FLT4: variants seen among roughly 807,000 people sequenced by gnomAD.
FLT4 encodes the protein vascular endothelial growth factor receptor 3.
Under a neutral mutation model 163.2 loss-of-function variants are expected in FLT4, and 30 were observed. The observed-to-expected ratio is 0.18, with a 90% CI of 0.14 to 0.25. FLT4 has a LOEUF of 0.25. Among genes scored for constraint, FLT4 ranks in the 10% least tolerant of loss-of-function variants. The probability of loss-of-function intolerance (pLI) is 1.00; values close to 1 mark genes in which losing one functional copy is unlikely to be tolerated. For missense variants in FLT4, 1,510 were observed against 1,863.8 expected (o/e 0.81, Z 3.50); for synonymous variants, 884 against 789.5 (o/e 1.12, Z -2.01).
chr5:180,607,955 G>A (rs1010918276), intron 29 of FLT4: 7 of 613,710 alleles, frequency 1.1e-5, no homozygotes, highest in Non-Finnish European at 2.0e-5. Context: ...TGTCTGGGAA[G>A]GCACCTGTTA....
Position 180,612,490 on chromosome 5 carries a change from T to G in FLT4, c.3537+16A>C. 6.3e-7 allele frequency: 1 copy of G among 1,587,868 alleles called. No homozygotes were observed. Among genetic ancestry groups the G allele is most frequent in the Non-Finnish European group, 8.6e-7 (1 of 1,156,352 alleles). On this transcript the variant is annotated intron_variant, in intron 26 of 29. Coordinates refer to ENST00000261937, the MANE Select transcript of FLT4 (RefSeq NM_182925.5). The stretch of plus-strand genomic sequence containing the variant: ...GGCCAAAGGCCATAGTAGAACAGGG[T>G]GGGGAAGGGGCTCACTTGCAGGCCC...
chr5:180,624,119 T>G, intron 10 of FLT4, 58 bp from the exon 11 acceptor site: 1 of 1,596,942 alleles, frequency 6.3e-7, no homozygotes, highest in Non-Finnish European at 8.5e-7. Context: ...AGGGCCCACA[T>G]GGGGGGCGGG....
chr5:180,618,536 C>G (rs1762852526), intron 21 of FLT4, among the ~76,000 whole-genome samples: 1 of 152,224 alleles, frequency 6.6e-6, no homozygotes, highest in Admixed American at 6.5e-5. Flanking sequence ...CTGCTTGGCC[C>G]TCCACTGCCT....
At chr5:180,635,844 C>T (rs866779097) in intron 1 of FLT4, among the ~76,000 whole-genome samples, 1 of 12,980 alleles carries the variant, frequency 7.7e-5, no homozygotes, top group Non-Finnish European at 1.6e-4. Context: ...TGGATGGATG[C>T]ATGGATGGAA....
intron 1 of FLT4, among the ~76,000 whole-genome samples, chr5:180,646,761 G>A (rs950741787): frequency 2.6e-5 from 4 of 152,162 alleles, no homozygotes; most frequent in African/African-American, 9.7e-5. Flanking sequence ...GCATAGAACT[G>A]CAGGCTCCTT....
chr5:180,645,913 A>AC (rs746808656), intron 1 of FLT4, among the ~76,000 whole-genome samples: 1 of 151,860 alleles, frequency 6.6e-6, no homozygotes, highest in Non-Finnish European at 1.5e-5. Context: ...CTCCCTGCCC[A>AC]CCCCCAACTC....
chr5:180,626,030 C>A lies in FLT4; in HGVS notation c.1260G>T (p.Val420=), dbSNP rs761645896. The change falls in exon 10 of 30, where the codon GTG becomes GTT. Residue 420 remains valine, a splice_region_variant and synonymous_variant. Transcript: ENST00000261937. The part of the protein sequence containing the change: ...RNISLELVVN[V]PPQIHEKEAS... ...CCTCCTTCTCATGTATCTGGGGGGG[C>A]ACTGTGGGCACACAGATGGCCGGTC... 33 of 1,612,562 alleles carry A rather than the reference C, an allele frequency of 2.0e-5. No individual in the cohort carries two copies. The highest frequency in any genetic ancestry group is 2.5e-5 in the Non-Finnish European group (30 of 1,179,988).
Position 180,613,115 on chromosome 5 carries a change from C to A in FLT4, c.3332-5G>T. ...CCCCAGGGTACGGGGAGGCCCCTGA[C>A]AACAGGAAGGGGAGGTGGGTGGGGA... On this transcript the variant is annotated splice_polypyrimidine_tract_variant and splice_region_variant and intron_variant, in intron 24 of 29. Coordinates refer to ENST00000261937, the MANE Select transcript of FLT4 (RefSeq NM_182925.5). The A allele has an allele frequency of 1.2e-6, 2 of 1,609,720 alleles. No individual in the cohort carries two copies. The highest frequency in any genetic ancestry group is 8.5e-7 in the Non-Finnish European group (1 of 1,176,854).
chr5:180,609,707 G>T lies in FLT4; in HGVS notation c.3807+198C>A, dbSNP rs562590070. On this transcript the variant is annotated intron_variant, in intron 28 of 29. Coordinates refer to ENST00000261937, the MANE Select transcript of FLT4 (RefSeq NM_182925.5). ...GGGAGGCCTCGTGTGGGGGTGACGA[G>T]GGCATAGGACAGAAAGCAGCTGTGA... 26 of 635,824 alleles carry T rather than the reference G, an allele frequency of 4.1e-5. 1 individual carries two copies. The South Asian group carries it at 4.2e-4, about 10-fold the overall frequency. 39.4% of individuals were successfully genotyped at this position (635,824 alleles called of 1,614,324 possible).
Position 180,612,735 on chromosome 5 carries a change from G to T in FLT4, c.3432-124C>A, listed in dbSNP as rs566581905. 4.0e-6 allele frequency: 3 copies of T among 747,846 alleles called. No homozygotes were observed. In the Admixed American group the frequency reaches 6.0e-5, roughly 15 times the overall value. The allele number at this position is 747,846 out of a possible 1,614,324, so 46.3% of individuals were successfully genotyped here. A position where few individuals can be genotyped will look rare whatever the true frequency, so the allele number is the denominator to read the frequency against. ...TCCTCCTGACACGTCTCCCACTCTT[G>T]TCCAGCTACCCTCGTTCCTCCTTCA... On this transcript the variant is annotated intron_variant, in intron 25 of 29. Transcript: ENST00000261937.
At chr5:180,606,801 G>T (rs1357029406) in intron 29 of FLT4, among the ~76,000 whole-genome samples, 1 of 150,976 alleles carries the variant, frequency 6.6e-6, no homozygotes, top group Admixed American at 6.6e-5. Flanking sequence ...GCTCATACCT[G>T]TAATCCCAGC....
intron 28 of FLT4, chr5:180,609,307 G>A (rs1561691704): frequency 1.1e-5 from 6 of 569,234 alleles, no homozygotes; most frequent in South Asian, 2.0e-5. Context: ...GGACCTCCAC[G>A]GTGGCCAAGC....
chr5:180,606,511 C>T (rs1366887116), intron 29 of FLT4, among the ~76,000 whole-genome samples: 3 of 152,208 alleles, frequency 2.0e-5, no homozygotes, highest in African/African-American at 7.2e-5. Flanking sequence ...CCCCAACTCA[C>T]GTTTCCACGG....
chr5:180,631,561 C>T (rs1030719491), intron 2 of FLT4, 121 bp downstream of exon 2: 71 of 801,762 alleles, frequency 8.9e-5, no homozygotes, highest in African/African-American at 4.5e-4. Flanking sequence ...CACACGGCCC[C>T]GAGGCCACTC....
Position 180,613,055 on chromosome 5 carries a change from T to C in FLT4, c.3387A>G (p.Arg1129=), listed in dbSNP as rs1422833531. The C allele has an allele frequency of 3.1e-6, 5 of 1,613,512 alleles. No individual in the cohort carries two copies. Among genetic ancestry groups the C allele is most frequent in the Non-Finnish European group, 4.2e-6 (5 of 1,179,694 alleles). The change falls in exon 25 of 30, where the codon AGA becomes AGG. Residue 1129 remains arginine (R), a synonymous_variant. Coordinates refer to ENST00000261937, the MANE Select transcript of FLT4 (RefSeq NM_182925.5). ...CCGGGGCCCTCATCCTTGTGCCGTC[T>C]CTCAGCCGCTGGCAGAACTCCTCAT... ...QINEEFCQRL[R]DGTRMRAPEL...
Position 180,620,492 on chromosome 5 carries a change from C to T in FLT4, c.2406+117G>A. ...CCCAGCGTGAAGGGCAGGGAGGCTTCCCAGGAAACAAGGCTGCCAGGTGAA... is the reference window on the plus strand; with the variant it reads ...CCCAGCGTGAAGGGCAGGGAGGCTTTCCAGGAAACAAGGCTGCCAGGTGAA... On this transcript the variant is annotated intron_variant, in intron 16 of 29. Transcript: ENST00000261937. This position sits in a 1 kb window ranked among gnomAD's most constrained non-coding sequence, Gnocchi z 4.4. The T allele has an allele frequency of 8.4e-7, 1 of 1,190,758 alleles. No homozygotes were observed. The highest frequency in any genetic ancestry group is 1.2e-6 in the Non-Finnish European group (1 of 809,520). 73.8% of individuals were successfully genotyped at this position (1,190,758 alleles called of 1,614,324 possible).
chr5:180,603,406 AGGT>A lies in FLT4; in HGVS notation c.3894-19_3894-17del. The A allele has an allele frequency of 3.1e-6, 5 of 1,612,224 alleles. No individual in the cohort carries two copies. Among genetic ancestry groups the A allele is most frequent in the Non-Finnish European group, 4.2e-6 (5 of 1,178,928 alleles). On this transcript the variant is annotated splice_polypyrimidine_tract_variant and intron_variant, in intron 29 of 29. Coordinates refer to ENST00000261937, the MANE Select transcript of FLT4 (RefSeq NM_182925.5). Reference sequence around the variant, plus strand: ...TCCTTTACAGCTGCCAAGACAGGGAAGGTGGTGTTAGTAAGAGAAGAAGGCTGG... The same window carrying A: ...TCCTTTACAGCTGCCAAGACAGGGAAGGTGTTAGTAAGAGAAGAAGGCTGG...
intron 23 of FLT4, among the ~76,000 whole-genome samples, chr5:180,614,658 C>G (rs1192277664): frequency 6.6e-6 from 1 of 152,116 alleles, no homozygotes; most frequent in African/African-American, 2.4e-5. Flanking sequence ...CTCTCCCTCT[C>G]ATGGTCTCTA....
At chr5:180,647,773 C>A (rs1240267251) in intron 1 of FLT4, among the ~76,000 whole-genome samples, 1 of 152,094 alleles carries the variant, frequency 6.6e-6, no homozygotes, top group East Asian at 1.9e-4. Context: ...GCCCAGGACA[C>A]CCCTCTCCAT....
Sources: allele counts gnomAD v4.1 joint callset (sites outside exome capture counted in the v4.1 genomes callset), GRCh38; gene constraint gnomAD v4.1.1; non-coding constraint Gnocchi (gnomAD v3.1); transcripts MANE v1.5; gene names NCBI Gene and HGNC (gene_info 2026-07-23, HGNC 2026-07-21).